Variants in OFD1 observed in about 807,000 individuals in gnomAD.
The protein encoded by OFD1 is centriole and centriolar satellite protein OFD1.
In OFD1, 12 loss-of-function variants were observed where a neutral mutation model predicts 81.4. The ratio of observed to expected loss-of-function variants is 0.15; its 90% CI spans 0.09 to 0.24. OFD1 has a LOEUF of 0.24. Among genes scored for constraint, OFD1 ranks in the 10% least tolerant of loss-of-function variants. The probability of loss-of-function intolerance (pLI) is 1.00; values close to 1 mark genes in which losing one functional copy is unlikely to be tolerated. For synonymous variants in OFD1, 256 were observed against 263.7 expected, an observed-to-expected ratio of 0.97 and a Z score of 0.28; for missense variants, 685 against 733.9, an observed-to-expected ratio of 0.93 and a Z score of 0.77.
At chrX:13,744,176 C>G (rs769070289) in intron 5 of OFD1, among the ~76,000 whole-genome samples, 1 of 110,796 alleles carries the variant, frequency 9.0e-6, no homozygotes, top group South Asian at 3.8e-4. Flanking sequence ...ACCTCTAGTC[C>G]CAGCTACTTG....
intron 10 of OFD1, chrX:13,753,028 G>A: frequency 1.1e-6 from 1 of 897,914 alleles, no homozygotes; most frequent in East Asian, 7.6e-5. Flanking sequence ...GATTGAGTCT[G>A]TTGTGTGCTG....
At chrX:13,736,882 T>C (rs887540657) in intron 3 of OFD1, among the ~76,000 whole-genome samples, 17 of 112,604 alleles carry the variant, frequency 1.5e-4, no homozygotes, top group African/African-American at 5.5e-4. Flanking sequence ...GCGTCTCATT[T>C]AGTCTCACAT....
intron 10 of OFD1, chrX:13,752,590 G>A: frequency 1.7e-6 from 1 of 594,997 alleles, no homozygotes; most frequent in Non-Finnish European, 2.3e-6. Flanking sequence ...TACTAAAATA[G>A]CTAAAATGGA....
intron 8 of OFD1, among the ~76,000 whole-genome samples, chrX:13,747,425 G>A (rs942237214): frequency 2.7e-5 from 3 of 111,725 alleles, no homozygotes; most frequent in African/African-American, 9.8e-5. Context: ...TTCTGGGGAG[G>A]ATTTGTAAGT....
downstream of OFD1, chrX:13,772,614 G>A: frequency 3.4e-6 from 1 of 294,081 alleles, no homozygotes; most frequent in South Asian, 9.5e-5. Flanking sequence ...ATGTGAACAT[G>A]CCACAAATTC....
At chrX:13,763,651 TC>T (rs1394784789) in intron 18 of OFD1, 93 bp from the exon 19 acceptor site, 19 of 688,591 alleles carry the variant, frequency 2.8e-5, no homozygotes, top group African/African-American at 4.2e-5. Context: ...TGGCTTCAGT[TC>T]CCGTGCTCCA....
chrX:13,766,299 G>C (rs987674234), intron 19 of OFD1, among the ~76,000 whole-genome samples: 1 of 111,822 alleles, frequency 8.9e-6, no homozygotes, highest in Non-Finnish European at 1.9e-5. Flanking sequence ...TGACTGGGCT[G>C]TTTCAGTAGT....
chrX:13,771,251 G>A (rs760832328), downstream of OFD1: 4 of 111,670 alleles, frequency 3.6e-5, no homozygotes, highest in South Asian at 1.5e-3. Context: ...TTTAGACACT[G>A]CCTCTTCTAG....
At chrX:13,757,158 T>C (rs1351948488) in intron 13 of OFD1, among the ~76,000 whole-genome samples, 1 of 112,426 alleles carries the variant, frequency 8.9e-6, no homozygotes, top group Non-Finnish European at 1.9e-5. Context: ...AGTATGGCCC[T>C]GTTACTAGCC....
intron 17 of OFD1, 22 bp from the exon 18 acceptor site, chrX:13,762,322 G>A (rs2047966648): frequency 9.7e-7 from 1 of 1,032,972 alleles, no homozygotes; most frequent in Non-Finnish European, 1.4e-6. Flanking sequence ...GAAACTTCAC[G>A]AGTTTTATCC....
downstream of OFD1, among the ~76,000 whole-genome samples, chrX:13,770,216 C>G (rs938971725): frequency 3.6e-5 from 4 of 112,152 alleles, no homozygotes; most frequent in African/African-American, 1.3e-4. Flanking sequence ...CAGTTTTCCT[C>G]TGGTGACTCA....
At chrX:13,747,035 C>A in intron 8 of OFD1, 82 bp downstream of exon 8, 1 of 889,721 alleles carries the variant, frequency 1.1e-6, no homozygotes, top group Non-Finnish European at 1.7e-6. Context: ...CAGGATGGTA[C>A]AGTTGATGGA....
Position 13,758,439 on chromosome X carries a change from A to G in OFD1, c.1645A>G (p.Thr549Ala), listed in dbSNP as rs2047797043. 1 of 1,152,756 alleles carries G rather than the reference A, an allele frequency of 8.7e-7. No homozygotes were observed. Among genetic ancestry groups the G allele is most frequent in the African/African-American group, 1.8e-5 (1 of 56,141 alleles). The change falls in exon 15 of 23, where the codon ACT becomes GCT. Residue 549 changes from threonine (T) to alanine (A), a missense_variant. Thr to Ala is a moderately conservative substitution (Grantham distance 58, BLOSUM62 0). Around this residue, in one of 3 missense-constraint regions of OFD1, gnomAD observed 414 missense variants for 447.2 expected, o/e 0.93. Coordinates refer to ENST00000340096, the MANE Select transcript of OFD1 (RefSeq NM_003611.3). The stretch of plus-strand genomic sequence containing the variant: ...CGATTTAAAATTGCAACTGAAGCAA[A>G]CTCAGACAGGTTAGAGACGTTTTAA... The part of the protein sequence containing the change: ...VADLKLQLKQ[T>A]QTALENEVYC...
chrX:13,730,509 C>A (rs773868955), upstream of OFD1, among the ~76,000 whole-genome samples: 1 of 111,578 alleles, frequency 9.0e-6, no homozygotes, highest in Non-Finnish European at 1.9e-5. Context: ...GACAGTGTGG[C>A]GATTCCTCAA....
At chrX:13,741,773 C>G (rs749129129) in intron 5 of OFD1, among the ~76,000 whole-genome samples, 2 of 111,461 alleles carry the variant, frequency 1.8e-5, no homozygotes, top group African/African-American at 6.5e-5. Context: ...GAGGGGGTCC[C>G]AAGGTGCATG....
intron 16 of OFD1, 64 bp from the exon 17 acceptor site, chrX:13,761,021 A>C: frequency 5.9e-6 from 7 of 1,189,216 alleles, no homozygotes; most frequent in Non-Finnish European, 8.0e-6. Context: ...CTCTTTAGAA[A>C]CCACGTTGGT....
chrX:13,772,649 C>CACT (rs1555909703), downstream of OFD1: 1 of 328,884 alleles, frequency 3.0e-6, no homozygotes, highest in African/African-American at 2.6e-5. Flanking sequence ...ATCATTTTGT[C>CACT]AAAGTGTTGC....
intron 3 of OFD1, 157 bp from the exon 4 acceptor site, chrX:13,738,687 CAG>C (rs1189692476): frequency 4.7e-6 from 2 of 424,777 alleles, no homozygotes; most frequent in East Asian, 7.7e-5. Flanking sequence ...ATTTATTTAA[CAG>C]TGTAAGAAAG....
chrX:13,746,569 G>C (rs1301894009), intron 7 of OFD1, 114 bp downstream of exon 7: 1 of 923,543 alleles, frequency 1.1e-6, no homozygotes, highest in African/African-American at 2.0e-5. Flanking sequence ...ATGGGATACT[G>C]TACTGTTGTG....
Sources: allele counts gnomAD v4.1 joint callset (sites outside exome capture counted in the v4.1 genomes callset), GRCh38; gene constraint gnomAD v4.1.1; regional missense constraint gnomAD v4.1.1; transcripts MANE v1.5; gene names NCBI Gene and HGNC (gene_info 2026-07-23, HGNC 2026-07-21).